The following ADAMTS6 variants were observed in gnomAD, a reference collection of about 807,000 sequenced individuals.
The protein encoded by ADAMTS6 is ADAM metallopeptidase with thrombospondin type 1 motif 6, also known as A disintegrin and metalloproteinase with thrombospondin motifs 6.
Under a neutral mutation model 144.3 loss-of-function variants are expected in ADAMTS6, and 23 were observed. The ratio of observed to expected loss-of-function variants is 0.16; its 90% CI spans 0.11 to 0.23. The LOEUF is 0.23. ADAMTS6 is among the 10% of genes least tolerant of loss of function. ADAMTS6 has a pLI of 1.00. For missense variants in ADAMTS6, 999 were observed against 1,379.6 expected (o/e 0.72, Z 4.37); for synonymous variants, 444 against 457.5 (o/e 0.97, Z 0.38).
chr5:65,238,226 G>A (rs1187611707), intron 15 of ADAMTS6, among the ~76,000 whole-genome samples: 1 of 152,112 alleles, frequency 6.6e-6, no homozygotes, highest in African/African-American at 2.4e-5. Context: ...GCAAGAAAAT[G>A]TAATAAAAGG....
intron 7 of ADAMTS6, among the ~76,000 whole-genome samples, chr5:65,428,380 C>A (rs1756731895): frequency 6.6e-6 from 1 of 152,016 alleles, no homozygotes; most frequent in Admixed American, 6.6e-5. Flanking sequence ...GCCTCTGTTT[C>A]CAACAAAAAA....
At chr5:65,164,500 C>G (rs1275340602) in intron 24 of ADAMTS6, among the ~76,000 whole-genome samples, 3 of 138,322 alleles carry the variant, frequency 2.2e-5, no homozygotes, top group Admixed American at 1.4e-4. Flanking sequence ...ACAAAGCAGC[C>G]GGGAAGCTCG....
At chr5:65,226,325 G>T in intron 15 of ADAMTS6, 106 bp from the exon 16 acceptor site, 1 of 1,176,486 alleles carries the variant, frequency 8.5e-7, no homozygotes, top group Non-Finnish European at 1.2e-6. Context: ...ATCATTCCCT[G>T]CTTATATGCC....
At chr5:65,474,748 G>A (rs1283019477) in intron 1 of ADAMTS6, among the ~76,000 whole-genome samples, 1 of 43,418 alleles carries the variant, frequency 2.3e-5, no homozygotes, top group African/African-American at 9.3e-5. Context: ...ATCAGAAGAA[G>A]AAAATAACTA....
At chr5:65,193,609 C>T (rs1755146534) in intron 21 of ADAMTS6, among the ~76,000 whole-genome samples, 1 of 152,086 alleles carries the variant, frequency 6.6e-6, no homozygotes, top group Non-Finnish European at 1.5e-5. Flanking sequence ...AGGAAAATGG[C>T]ATTCTCATAG....
chr5:65,171,333 A>C (rs961324283), intron 23 of ADAMTS6, among the ~76,000 whole-genome samples: 1 of 152,080 alleles, frequency 6.6e-6, no homozygotes, highest in Admixed American at 6.6e-5. Flanking sequence ...TAAAGCCCAC[A>C]TGTGGTTCAT....
intron 23 of ADAMTS6, 72 bp from the exon 24 acceptor site, chr5:65,170,845 C>A (rs1438437956): frequency 1.4e-6 from 2 of 1,472,630 alleles, no homozygotes; most frequent in Admixed American, 1.9e-5. Flanking sequence ...TATACTATGT[C>A]ATTTCAAATA....
At chr5:65,260,493 C>T (rs1403568360) in intron 14 of ADAMTS6, 107 bp downstream of exon 14, 2 of 823,396 alleles carry the variant, frequency 2.4e-6, no homozygotes, top group African/African-American at 3.5e-5. Context: ...ATTAATGTGA[C>T]CTTCACACAC....
intron 7 of ADAMTS6, among the ~76,000 whole-genome samples, chr5:65,433,404 A>G: frequency 6.6e-6 from 1 of 152,136 alleles, no homozygotes; most frequent in South Asian, 2.1e-4. Context: ...AGACGGCAAG[A>G]GCAGGATGCA....
intron 1 of ADAMTS6, among the ~76,000 whole-genome samples, chr5:65,480,184 G>A (rs909284597): frequency 2.0e-5 from 3 of 152,048 alleles, no homozygotes; most frequent in African/African-American, 7.2e-5. Flanking sequence ...AAAGAAAAAA[G>A]AACAGAAAAT....
intron 7 of ADAMTS6, among the ~76,000 whole-genome samples, chr5:65,340,680 T>TA (rs1179424373): frequency 1.8e-3 from 273 of 148,336 alleles, no homozygotes; most frequent in African/African-American, 6.1e-3. Flanking sequence ...TAAATAGATT[T>TA]AAAAAAAAAA....
intron 9 of ADAMTS6, among the ~76,000 whole-genome samples, chr5:65,312,349 T>G (rs936233080): frequency 6.6e-6 from 1 of 152,036 alleles, no homozygotes; most frequent in African/African-American, 2.4e-5. Context: ...ACTGTTCTTA[T>G]ACATAACTGA....
At chr5:65,431,761 A>C (rs1757017870) in intron 7 of ADAMTS6, among the ~76,000 whole-genome samples, 1 of 152,124 alleles carries the variant, frequency 6.6e-6, no homozygotes. Flanking sequence ...GTTTGAGGGA[A>C]AAATTGGGAA....
At chr5:65,196,589 G>T (rs1030149371) in intron 21 of ADAMTS6, among the ~76,000 whole-genome samples, 1 of 102,332 alleles carries the variant, frequency 9.8e-6, no homozygotes, top group African/African-American at 3.5e-5. Context: ...ATGTAGAAAA[G>T]ACAGGAGTGT....
At chr5:65,429,144 G>GA (rs1756792313) in intron 7 of ADAMTS6, among the ~76,000 whole-genome samples, 1 of 152,110 alleles carries the variant, frequency 6.6e-6, no homozygotes, top group Admixed American at 6.5e-5. Context: ...ACCTTTCCCT[G>GA]AAAATCAGCT....
At chr5:65,227,558 C>A (rs1020674097) in intron 15 of ADAMTS6, among the ~76,000 whole-genome samples, 2 of 151,954 alleles carry the variant, frequency 1.3e-5, no homozygotes, top group Non-Finnish European at 2.9e-5. Context: ...GGAAATAAAG[C>A]AGAAAGATGA....
intron 9 of ADAMTS6, among the ~76,000 whole-genome samples, chr5:65,310,138 C>T (rs1050748641): frequency 3.3e-5 from 5 of 151,692 alleles, no homozygotes; most frequent in African/African-American, 4.9e-5. Context: ...CTCCTGCTCC[C>T]GCCATGCGAG....
chr5:65,457,431 T>C (rs1759297126), intron 4 of ADAMTS6, among the ~76,000 whole-genome samples: 3 of 152,158 alleles, frequency 2.0e-5, no homozygotes, highest in African/African-American at 7.2e-5. Context: ...AGAATATCTT[T>C]CCCCAAAAGT....
At chr5:65,370,468 G>T (rs1044427034) in intron 7 of ADAMTS6, among the ~76,000 whole-genome samples, 2 of 152,188 alleles carry the variant, frequency 1.3e-5, no homozygotes, top group Non-Finnish European at 2.9e-5. Flanking sequence ...CCTGGGAAGC[G>T]CAAGGGGTCA....
Sources: gnomAD v4.1 joint callset for allele counts (sites outside exome capture counted in the v4.1 genomes callset) on GRCh38, gnomAD v4.1.1 for gene constraint, MANE v1.5 for transcripts, NCBI Gene and HGNC (gene_info 2026-07-23, HGNC 2026-07-21) for gene names.